Variants in TMEM87B observed in about 807,000 individuals in gnomAD.
The protein encoded by TMEM87B is transmembrane protein 87B.
In TMEM87B, 83 loss-of-function variants were observed where a neutral mutation model predicts 80.3. That is an observed-to-expected ratio of 1.03 (90% CI 0.87 to 1.24). The LOEUF (loss-of-function observed/expected upper bound fraction) is 1.24. Ranked by LOEUF, TMEM87B falls within the 50% of genes most tolerant of loss-of-function variation. TMEM87B has a pLI of 0.00. For synonymous variants in TMEM87B, 219 were observed against 230.5 expected, an observed-to-expected ratio of 0.95 and a Z score of 0.45; for missense variants, 625 against 674.4, an observed-to-expected ratio of 0.93 and a Z score of 0.81.
chr2:112,103,764 A>G (rs1334543672), intron 15 of TMEM87B, among the ~76,000 whole-genome samples: 1 of 152,214 alleles, frequency 6.6e-6, no homozygotes, highest in Non-Finnish European at 1.5e-5. Context: ...GAATATCTCA[A>G]AATCTAACTG....
intron 4 of TMEM87B, among the ~76,000 whole-genome samples, chr2:112,068,964 G>A (rs1473243541): frequency 6.6e-5 from 10 of 151,280 alleles, no homozygotes; most frequent in Non-Finnish European, 1.5e-4. Context: ...AGGCCGAGGC[G>A]GGTGGATCTT....
At position 112,055,269 on chromosome 2, in the gene TMEM87B, A is replaced by G. The variant is rs1678001011; in HGVS notation, c.-323A>G. 1 of 337,722 alleles carries G rather than the reference A, an allele frequency of 3.0e-6. No individual in the cohort carries two copies. Among genetic ancestry groups the G allele is most frequent in the Non-Finnish European group, 5.4e-6 (1 of 184,912 alleles). The allele number at this position is 337,722 out of a possible 1,614,324, so 20.9% of individuals were successfully genotyped here. ...CCTTGCACGTTCCGGCTCCTCTTCTATCTTCACGCCCACGCTAGGCCCTGA... is the reference window on the plus strand; with the variant it reads ...CCTTGCACGTTCCGGCTCCTCTTCTGTCTTCACGCCCACGCTAGGCCCTGA... On this transcript the variant is annotated 5_prime_UTR_variant, in exon 1 of 19. Coordinates refer to ENST00000283206, the MANE Select transcript of TMEM87B (RefSeq NM_032824.3).
intron 14 of TMEM87B, 34 bp from the exon 15 acceptor site, chr2:112,100,588 A>C: frequency 7.1e-7 from 1 of 1,412,516 alleles, no homozygotes; most frequent in South Asian, 1.2e-5. Flanking sequence ...AAGTTTAAAC[A>C]TACTAGTAAA....
intron 16 of TMEM87B, among the ~76,000 whole-genome samples, 175 bp downstream of exon 16, chr2:112,106,250 A>G (rs60252270): frequency 0.053 from 8,084 of 152,244 alleles, 388 homozygotes; most frequent in African/African-American, 0.13. Context: ...CTGGTTGTCC[A>G]TAACTGAAAT....
At chr2:112,086,554 C>T (rs1679152378) in intron 9 of TMEM87B, among the ~76,000 whole-genome samples, 1 of 152,212 alleles carries the variant, frequency 6.6e-6, no homozygotes, top group Non-Finnish European at 1.5e-5. Flanking sequence ...TTCCTCCTCT[C>T]ACCTGTGAAT....
intron 8 of TMEM87B, among the ~76,000 whole-genome samples, chr2:112,082,301 G>C (rs369536317): frequency 6.6e-6 from 1 of 152,094 alleles, no homozygotes; most frequent in African/African-American, 2.4e-5. Flanking sequence ...TCTGTTGCCC[G>C]GTCTAGAGTG....
chr2:112,097,041 C>T lies in TMEM87B; in HGVS notation c.1105-3C>T. ...TGGAATGTTTTTCCTTAACTTTTTT[C>T]ACATTTTTATTAGTTTGGCACAAAC... On this transcript the variant is annotated splice_polypyrimidine_tract_variant and splice_region_variant and intron_variant, in intron 11 of 18. Coordinates refer to ENST00000283206, the MANE Select transcript of TMEM87B (RefSeq NM_032824.3). 1.3e-6 allele frequency: 2 copies of T among 1,555,050 alleles called. No individual in the cohort carries two copies. Among genetic ancestry groups the T allele is most frequent in the African/African-American group, 2.8e-5 (2 of 71,130 alleles).
At chr2:112,098,757 C>A (rs41278938) in intron 14 of TMEM87B, 59 bp downstream of exon 14, 98,032 of 1,494,104 alleles carry the variant, frequency 0.066, 3,633 homozygotes, top group Middle Eastern at 0.08. Context: ...TCTATAGTGT[C>A]AAGAACACGT....
chr2:112,112,298 T>C (rs759273692), intron 17 of TMEM87B, among the ~76,000 whole-genome samples: 3 of 152,370 alleles, frequency 2.0e-5, no homozygotes, highest in African/African-American at 4.8e-5. Context: ...AGTTCTGTTA[T>C]ATAACACTTC....
At chr2:112,092,193 G>A (rs1356257210) in intron 11 of TMEM87B, among the ~76,000 whole-genome samples, 1 of 152,162 alleles carries the variant, frequency 6.6e-6, no homozygotes, top group Non-Finnish European at 1.5e-5. Context: ...CACAGAGATG[G>A]CAACATTTAA....
chr2:112,100,898 T>C (rs1218196156), intron 15 of TMEM87B, among the ~76,000 whole-genome samples: 3 of 152,226 alleles, frequency 2.0e-5, no homozygotes, highest in Non-Finnish European at 4.4e-5. Flanking sequence ...TTTGAGCTTG[T>C]TACTCATTTC....
At chr2:112,105,904 C>A (rs1679752004) in intron 15 of TMEM87B, 98 bp from the exon 16 acceptor site, 1 of 825,918 alleles carries the variant, frequency 1.2e-6, no homozygotes, top group Non-Finnish European at 1.7e-6. Context: ...CCCTCCATTT[C>A]TAAAAAGATA....
chr2:112,075,559 A>C (rs1678788346), intron 5 of TMEM87B, among the ~76,000 whole-genome samples: 1 of 152,204 alleles, frequency 6.6e-6, no homozygotes, highest in African/African-American at 2.4e-5. Context: ...ACAGCATAGC[A>C]ATGGGCTGTG....
rs1573728358 is a variant in TMEM87B, at chr2:112,107,864, T to A, written c.1577+24T>A. 3.3e-6 allele frequency: 5 copies of A among 1,522,436 alleles called. No homozygotes were observed. In the African/African-American group the frequency reaches 5.5e-5, roughly 17 times the overall value. 94.3% of individuals were successfully genotyped at this position (1,522,436 alleles called of 1,614,324 possible). A position where few individuals can be genotyped will look rare whatever the true frequency, so the allele number is the denominator to read the frequency against. ...GTGTAAGTTATCTTCTGTTACAGTT[T>A]GATTGTAAATTTTAGGCTGTAGTTT... On this transcript the variant is annotated intron_variant, in intron 17 of 18. Transcript: ENST00000283206.
At chr2:112,067,817 C>T (rs950868377) in intron 4 of TMEM87B, among the ~76,000 whole-genome samples, 1 of 152,248 alleles carries the variant, frequency 6.6e-6, no homozygotes, top group Middle Eastern at 3.2e-3. Context: ...GTCTGTTCCT[C>T]TTACCAAAAG....
At chr2:112,056,343 GGA>G (rs1428285734) in intron 1 of TMEM87B, among the ~76,000 whole-genome samples, 2 of 152,136 alleles carry the variant, frequency 1.3e-5, no homozygotes, top group South Asian at 2.1e-4. Flanking sequence ...CACAGTTCCG[GGA>G]GAGAGAGTGT....
chr2:112,107,369 A>AG (rs1679799083), intron 16 of TMEM87B, among the ~76,000 whole-genome samples: 1 of 152,018 alleles, frequency 6.6e-6, no homozygotes, highest in African/African-American at 2.4e-5. Context: ...AAAAAAAAAA[A>AG]AAAAAAAGAA....
intron 1 of TMEM87B, 42 bp downstream of exon 1, chr2:112,055,798 C>G (rs764861617): frequency 3.5e-6 from 5 of 1,447,502 alleles, no homozygotes; most frequent in South Asian, 1.5e-5. Context: ...CGTCTCGGGC[C>G]GTCAGGGCCG....
rs575956801 is a variant in TMEM87B at position 112,116,380 on chromosome 2, A to T, written c.*237A>T. 4 of 447,688 alleles carry T rather than the reference A, an allele frequency of 8.9e-6. No homozygotes were observed. The East Asian group carries it at 1.5e-4, about 17-fold the overall frequency. 27.7% of individuals were successfully genotyped at this position (447,688 alleles called of 1,614,324 possible). On this transcript the variant is annotated 3_prime_UTR_variant, in exon 19 of 19. Coordinates refer to ENST00000283206, the MANE Select transcript of TMEM87B (RefSeq NM_032824.3). ...GAAATAACCTGAGGAAAGTATTATGATAAAGATCTGCACAGATGCCTCTTA... is the reference window on the plus strand; with the variant it reads ...GAAATAACCTGAGGAAAGTATTATGTTAAAGATCTGCACAGATGCCTCTTA...
Sources: allele counts gnomAD v4.1 joint callset (sites outside exome capture counted in the v4.1 genomes callset), GRCh38; gene constraint gnomAD v4.1.1; transcripts MANE v1.5; gene names NCBI Gene and HGNC (gene_info 2026-07-23, HGNC 2026-07-21).